The following FNBP1 variants were observed in gnomAD, a reference collection of about 807,000 sequenced individuals.
The protein encoded by FNBP1 is formin binding protein 1.
A neutral mutation model predicts 90.6 loss-of-function variants in FNBP1; 26 were observed. That is an observed-to-expected ratio of 0.29 (90% CI 0.21 to 0.40). The LOEUF is 0.40. Among genes scored for constraint, FNBP1 ranks in the 10% least tolerant of loss-of-function variants. FNBP1 has a pLI of 1.00. For missense variants in FNBP1, 635 were observed against 768.0 expected (o/e 0.83, Z 2.05); for synonymous variants, 260 against 265.2 (o/e 0.98, Z 0.19).
chr9:129,938,495 G>C (rs1248059863), intron 6 of FNBP1, among the ~76,000 whole-genome samples: 1 of 149,530 alleles, frequency 6.7e-6, no homozygotes, highest in Admixed American at 6.7e-5. Flanking sequence ...TTCAAAATAA[G>C]TTAACCAAAG....
In FNBP1 at chr9:129,928,112, T is replaced by C. The variant is rs74906270; in HGVS notation, c.643-771A>G. Among the ~76,000 whole-genome samples the C allele has an allele frequency of 6.4e-3, 976 of 152,334 alleles. 5 individuals are homozygous for C. Among genetic ancestry groups the C allele is most frequent in the East Asian group, 0.011 (55 of 5,188 alleles). On this transcript the variant is annotated intron_variant, in intron 7 of 16. Transcript: ENST00000446176. The stretch of plus-strand genomic sequence containing the variant: ...GTGTGTAGACACCAAGAAGCAAATA[T>C]ATTATTTATTTTTTCTACAATTGGA...
At chr9:129,930,397 T>C (rs1053286356) in intron 6 of FNBP1, among the ~76,000 whole-genome samples, 1 of 152,160 alleles carries the variant, frequency 6.6e-6, no homozygotes, top group African/African-American at 2.4e-5. Flanking sequence ...CAGTTCTCAA[T>C]GGGGTTCATG....
chr9:130,038,477 A>G (rs1174019539), intron 1 of FNBP1, among the ~76,000 whole-genome samples: 2 of 141,326 alleles, frequency 1.4e-5, no homozygotes, highest in East Asian at 2.3e-4. Context: ...GGCTCACTGC[A>G]ACCTCCGCCT....
intron 6 of FNBP1, among the ~76,000 whole-genome samples, chr9:129,942,766 C>T (rs1394074298): frequency 6.6e-6 from 1 of 151,624 alleles, no homozygotes; most frequent in Non-Finnish European, 1.5e-5. Context: ...AAACACTTTC[C>T]AGTGTAGGTT....
intron 6 of FNBP1, among the ~76,000 whole-genome samples, chr9:129,943,296 G>A (rs1436503274): frequency 6.6e-6 from 1 of 150,740 alleles, no homozygotes; most frequent in African/African-American, 2.4e-5. Context: ...AGGACCAGGT[G>A]ATTTCATATA....
chr9:129,928,196 A>G (rs2042197341), intron 7 of FNBP1, among the ~76,000 whole-genome samples: 1 of 152,218 alleles, frequency 6.6e-6, no homozygotes, highest in Non-Finnish European at 1.5e-5. Context: ...TTCTCATACC[A>G]TTTTTGACAA....
At chr9:129,958,696 G>T in intron 4 of FNBP1, 143 bp from the exon 5 acceptor site, 1 of 642,704 alleles carries the variant, frequency 1.6e-6, no homozygotes, top group African/African-American at 1.9e-5. Flanking sequence ...AGTTGAAAGG[G>T]GTAGCCGGGT....
chr9:129,973,079 G>A (rs569281095), intron 4 of FNBP1, among the ~76,000 whole-genome samples: 20 of 152,298 alleles, frequency 1.3e-4, no homozygotes, highest in African/African-American at 4.8e-4. Flanking sequence ...GGGCTGCCAG[G>A]AATCCTGAGC....
At chr9:129,942,786 G>T (rs1438821549) in intron 6 of FNBP1, among the ~76,000 whole-genome samples, 3 of 151,062 alleles carry the variant, frequency 2.0e-5, no homozygotes, top group African/African-American at 7.3e-5. Context: ...TTTTTGAGGA[G>T]TAGGTTCAAT....
chr9:130,053,654 G>A, the FNBP1 span: 2 of 488,644 alleles, frequency 4.1e-6, no homozygotes, highest in African/African-American at 4.1e-5. Context: ...GCGGAGGTGC[G>A]GCCCGGGCTG....
chr9:130,048,396 TAC>T, the FNBP1 span, among the ~76,000 whole-genome samples: 1 of 143,106 alleles, frequency 7.0e-6, no homozygotes, highest in African/African-American at 2.6e-5. Flanking sequence ...TGGGGTTGAG[TAC>T]AGTCTTTGGT....
At chr9:130,008,614 A>C (rs2056136391) in intron 1 of FNBP1, among the ~76,000 whole-genome samples, 1 of 152,216 alleles carries the variant, frequency 6.6e-6, no homozygotes, top group Non-Finnish European at 1.5e-5. Context: ...AGAGGAGCTT[A>C]GTCAAGCCCC....
At chr9:129,961,243 C>T (rs1466976454) in intron 4 of FNBP1, among the ~76,000 whole-genome samples, 1 of 151,832 alleles carries the variant, frequency 6.6e-6, no homozygotes, top group African/African-American at 2.4e-5. Flanking sequence ...AACTGGGAGG[C>T]GGAGGTTGCG....
intron 4 of FNBP1, among the ~76,000 whole-genome samples, chr9:129,965,663 T>G (rs746926585): frequency 2.7e-5 from 4 of 149,904 alleles, no homozygotes; most frequent in Middle Eastern, 3.5e-3. Context: ...GGTAACATGG[T>G]GAAACCCCAT....
rs759776571 is a variant in FNBP1, at chr9:129,957,455, G to T, written c.418C>A (p.Arg140=). 2.5e-6 allele frequency: 4 copies of T among 1,611,818 alleles called. No individual in the cohort carries two copies. In the African/African-American group the frequency reaches 4.0e-5, roughly 16 times the overall value. ...GCCTCTTTGCAATCGCGTTCAAATC[G>T]CCTTTTACTCTAAAATCAGAGGAAA... ...CWKQLESSKR[R]FERDCKEADR... Residue 140 remains arginine (R), a synonymous_variant, in exon 6 of 17, where the codon CGA becomes AGA. Transcript: ENST00000446176. The surrounding 1 kb of genome is among the most constrained non-coding windows in gnomAD (Gnocchi z 4.3).
intron 1 of FNBP1, among the ~76,000 whole-genome samples, chr9:130,008,009 A>AAC (rs1554853007): frequency 2.0e-5 from 3 of 148,584 alleles, no homozygotes; most frequent in South Asian, 2.2e-4. Context: ...AAAAAAAAAA[A>AAC]AAAAATTAAA....
At chr9:129,987,902 G>A (rs1165874654) in intron 2 of FNBP1, among the ~76,000 whole-genome samples, 4 of 151,876 alleles carry the variant, frequency 2.6e-5, no homozygotes, top group African/African-American at 7.3e-5. Context: ...TGATATATAC[G>A]ATATGCAATT....
chr9:129,999,225 G>A (rs2054471793), intron 1 of FNBP1, among the ~76,000 whole-genome samples: 5 of 152,120 alleles, frequency 3.3e-5, no homozygotes, highest in Admixed American at 2.6e-4. Context: ...TTTGGGGATG[G>A]TGTCATCAAA....
intron 6 of FNBP1, among the ~76,000 whole-genome samples, chr9:129,948,878 C>A (rs1316515640): frequency 2.6e-5 from 4 of 151,900 alleles, no homozygotes; most frequent in Middle Eastern, 3.4e-3. Flanking sequence ...AAGGACATAC[C>A]TCAAGGGGTT....
Sources: gnomAD v4.1 joint callset for allele counts (sites outside exome capture counted in the v4.1 genomes callset) on GRCh38, gnomAD v4.1.1 for gene constraint, Gnocchi (gnomAD v3.1) non-coding constraint, MANE v1.5 for transcripts, NCBI Gene and HGNC (gene_info 2026-07-23, HGNC 2026-07-21) for gene names.